Variants in CAPN13 observed in about 807,000 individuals in gnomAD.
CAPN13 encodes calpain-13.
A neutral mutation model predicts 98.4 loss-of-function variants in CAPN13; 90 were observed. The observed-to-expected ratio is 0.92, with a 90% CI of 0.77 to 1.09. CAPN13 has a LOEUF of 1.09. Ranked by LOEUF, CAPN13 falls within the 50% of genes least tolerant of loss-of-function variation. The probability of loss-of-function intolerance (pLI) is 0.00; values close to 1 mark genes in which losing one functional copy is unlikely to be tolerated. For synonymous variants in CAPN13, 330 were observed against 305.5 expected, an observed-to-expected ratio of 1.08 and a Z score of -0.84; for missense variants, 887 against 841.3, an observed-to-expected ratio of 1.05 and a Z score of -0.67.
chr2:30,785,799 G>T (rs967240446), intron 2 of CAPN13, among the ~76,000 whole-genome samples: 4 of 152,094 alleles, frequency 2.6e-5, no homozygotes, highest in Admixed American at 1.3e-4. Flanking sequence ...AAATAGCAAA[G>T]GGAAAAAAAT....
intron 1 of CAPN13, among the ~76,000 whole-genome samples, chr2:30,797,055 G>C (rs1674921801): frequency 6.6e-6 from 1 of 152,200 alleles, no homozygotes. Flanking sequence ...AAATGTGCCA[G>C]ACGGGCGGGA....
chr2:30,734,742 T>C (rs1368713922), intron 18 of CAPN13, among the ~76,000 whole-genome samples: 1 of 152,176 alleles, frequency 6.6e-6, no homozygotes, highest in African/African-American at 2.4e-5. Flanking sequence ...CTCCTTCCTC[T>C]TCTGTGCCCC....
chr2:30,755,626 C>T (rs1356877197), intron 8 of CAPN13, among the ~76,000 whole-genome samples: 1 of 152,072 alleles, frequency 6.6e-6, no homozygotes, highest in African/African-American at 2.4e-5. Context: ...TGCTTGTAAG[C>T]AATGGGTTTC....
At chr2:30,741,548 C>T (rs569469694) in intron 15 of CAPN13, 15 of 1,063,632 alleles carry the variant, frequency 1.4e-5, no homozygotes, top group African/African-American at 1.3e-4. Context: ...CCGGGAGGAA[C>T]GATGCCAGGT....
chr2:30,793,321 CA>C (rs909407580), intron 1 of CAPN13, among the ~76,000 whole-genome samples: 5 of 150,808 alleles, frequency 3.3e-5, no homozygotes, highest in Non-Finnish European at 7.4e-5. Flanking sequence ...ATAATAGCAA[CA>C]AAAAATAGGA....
At chr2:30,744,298 T>C (rs1671802660) in intron 12 of CAPN13, among the ~76,000 whole-genome samples, 1 of 152,168 alleles carries the variant, frequency 6.6e-6, no homozygotes, top group African/African-American at 2.4e-5. Flanking sequence ...AAAGTTTCTT[T>C]TCAGGGGTAG....
chr2:30,748,965 A>C (rs1480062071), intron 11 of CAPN13, among the ~76,000 whole-genome samples: 1 of 152,030 alleles, frequency 6.6e-6, no homozygotes, highest in Admixed American at 6.5e-5. Flanking sequence ...TATCACCAGA[A>C]AGGCATGCAC....
intron 20 of CAPN13, among the ~76,000 whole-genome samples, chr2:30,732,237 T>C (rs992694422): frequency 1.3e-4 from 20 of 152,020 alleles, no homozygotes; most frequent in African/African-American, 4.8e-4. Flanking sequence ...AGACCTGCGA[T>C]GGGGAACTAC....
At chr2:30,727,354 A>G (rs2103478323) in intron 22 of CAPN13, among the ~76,000 whole-genome samples, 1 of 152,344 alleles carries the variant, frequency 6.6e-6, no homozygotes, top group African/African-American at 2.4e-5. Context: ...GCTACAGATG[A>G]TGGCATCAAA....
At chr2:30,801,227 G>T (rs1216443485) in intron 1 of CAPN13, among the ~76,000 whole-genome samples, 1 of 152,154 alleles carries the variant, frequency 6.6e-6, no homozygotes, top group Non-Finnish European at 1.5e-5. Flanking sequence ...CTCTTTGGAA[G>T]TTGAGGCCAC....
chr2:30,756,964 G>A (rs1181437262), intron 8 of CAPN13, among the ~76,000 whole-genome samples: 1 of 152,184 alleles, frequency 6.6e-6, no homozygotes, highest in Non-Finnish European at 1.5e-5. Flanking sequence ...GGTCATGGGG[G>A]ATCGGAGCGG....
At position 30,758,280 on chromosome 2, in the gene CAPN13, G is replaced by GA. The variant is rs373361255; in HGVS notation, c.775-144dup. 3,756 of 595,818 alleles carry GA rather than the reference G, an allele frequency of 6.3e-3. 21 individuals carry two copies. Among genetic ancestry groups the GA allele is most frequent in the Middle Eastern group, 8.7e-3 (33 of 3,802 alleles). 36.9% of individuals were successfully genotyped at this position (595,818 alleles called of 1,614,324 possible). A position where few individuals can be genotyped will look rare whatever the true frequency, so the allele number is the denominator to read the frequency against. ...TGCAGCCAGAAAAAAAATTGAAAGG[G>GA]AAAAAAAAATCAATGTCTCTCTACT... On this transcript the variant is annotated intron_variant, in intron 7 of 22. Transcript: ENST00000295055.
intron 3 of CAPN13, among the ~76,000 whole-genome samples, chr2:30,776,263 G>A (rs1323692936): frequency 7.9e-5 from 12 of 152,110 alleles, no homozygotes; most frequent in African/African-American, 1.9e-4. Context: ...ATGGAGTCTC[G>A]CTCTGTAGCC....
At position 30,745,751 on chromosome 2, in the gene CAPN13, G is replaced by A. The variant is rs1179986512; in HGVS notation, c.1237-17C>T. 3.1e-6 allele frequency: 5 copies of A among 1,594,456 alleles called. No individual in the cohort carries two copies. The highest frequency in any genetic ancestry group is 1.1e-5 in the South Asian group (1 of 89,062). On this transcript the variant is annotated splice_polypyrimidine_tract_variant and intron_variant, in intron 11 of 22. Coordinates refer to ENST00000295055, the MANE Select transcript of CAPN13 (RefSeq NM_144575.3). ...TGAGCCAGCCTGTTGGAAACAGGGA[G>A]AAAGGCAGATTTAGGAACTCAGACG...
Position 30,787,253 on chromosome 2 carries a change from G to A in CAPN13, c.73C>T (p.Arg25Trp), listed in dbSNP as rs746445685. 1.4e-5 allele frequency: 22 copies of A among 1,612,818 alleles called. No homozygotes were observed. In the African/African-American group the frequency reaches 1.6e-4, roughly 12 times the overall value. The change falls in exon 2 of 23, where the codon CGG becomes TGG. Residue 25 changes from arginine (R) to tryptophan (W), a missense_variant. Coordinates refer to ENST00000295055, the MANE Select transcript of CAPN13 (RefSeq NM_144575.3). ...CGGCCCATGCTCAGGCAGTGATCCC[G>A]CAAGGTGGTAAAGTCCTGGTCTTTG... is the stretch of plus-strand genomic sequence containing the variant. ...KFKDQDFTTL[R>W]DHCLSMGRTF...
chr2:30,787,419 G>C (rs1674350303), intron 1 of CAPN13, 62 bp from the exon 2 acceptor site: 1 of 1,306,484 alleles, frequency 7.7e-7, no homozygotes, highest in African/African-American at 1.5e-5. Flanking sequence ...ATCATCAAAT[G>C]TGAGCCCCAG....
chr2:30,743,692 T>C (rs962760318), intron 12 of CAPN13, 113 bp from the exon 13 acceptor site: 17 of 902,600 alleles, frequency 1.9e-5, no homozygotes, highest in African/African-American at 3.3e-5. Context: ...AAGATAACAT[T>C]ACAGGCTCTA....
At chr2:30,771,751 C>T (rs1673423032) in intron 4 of CAPN13, among the ~76,000 whole-genome samples, 1 of 152,224 alleles carries the variant, frequency 6.6e-6, no homozygotes, top group Non-Finnish European at 1.5e-5. Context: ...TAGTTGAATG[C>T]TGGTCTTGCC....
At chr2:30,737,583 C>G (rs954418572) in intron 17 of CAPN13, 1 of 153,814 alleles carries the variant, frequency 6.5e-6, no homozygotes, top group Non-Finnish European at 1.4e-5. Flanking sequence ...CTCTGCCCAG[C>G]GTCTCCCGCT....
Sources: allele counts gnomAD v4.1 joint callset (sites outside exome capture counted in the v4.1 genomes callset), GRCh38; gene constraint gnomAD v4.1.1; transcripts MANE v1.5; gene names NCBI Gene and HGNC (gene_info 2026-07-23, HGNC 2026-07-21).